PSMA5: variants seen among roughly 807,000 people sequenced by gnomAD.
PSMA5 encodes proteasome subunit alpha type-5.
In PSMA5, 3 loss-of-function variants were observed where a neutral mutation model predicts 34.5. The observed-to-expected ratio is 0.09, with a 90% CI of 0.04 to 0.22. PSMA5 has a LOEUF of 0.22. Ranked by LOEUF, PSMA5 falls within the 10% of genes least tolerant of loss-of-function variation. The probability of loss-of-function intolerance (pLI) is 1.00; values close to 1 mark genes in which losing one functional copy is unlikely to be tolerated. For missense variants in PSMA5, 120 were observed against 286.1 expected (o/e 0.42, Z 4.19); for synonymous variants, 88 against 95.8 (o/e 0.92, Z 0.47).
chr1:109,409,209 C>T (rs533326703), intron 8 of PSMA5, among the ~76,000 whole-genome samples: 61 of 152,170 alleles, frequency 4.0e-4, no homozygotes, highest in African/African-American at 1.3e-3. Context: ...CAGGTTGGAG[C>T]GCAGTATCAC....
Position 109,413,605 on chromosome 1 carries a change from A to G in PSMA5, c.224-470T>C, listed in dbSNP as rs553862944. Among the ~76,000 whole-genome samples the G allele has an allele frequency of 2.6e-5, 4 of 152,318 alleles. No homozygotes were observed. The South Asian group carries it at 8.3e-4, about 32-fold the overall frequency. ...CAAAGCAACTAGTTATATCAGAGAG[A>G]GTTTGCCTGATGGCCCAAGCTGTCA... is the stretch of plus-strand genomic sequence containing the variant. On this transcript the variant is annotated intron_variant, in intron 3 of 8. Transcript: ENST00000271308.
intron 2 of PSMA5, among the ~76,000 whole-genome samples, chr1:109,419,742 T>A (rs1031740216): frequency 7.2e-6 from 1 of 139,428 alleles, no homozygotes; most frequent in Non-Finnish European, 1.5e-5. Context: ...GAGGTTGCAG[T>A]GGGCTGAGAT....
chr1:109,418,021 T>G (rs1379904012), intron 2 of PSMA5, among the ~76,000 whole-genome samples: 1 of 151,822 alleles, frequency 6.6e-6, no homozygotes, highest in Non-Finnish European at 1.5e-5. Context: ...CCCAGGAGTT[T>G]GAGACCAGCC....
rs1324589619 is a variant in PSMA5, at chr1:109,411,615, T to A, written c.458+262A>T. Among the ~76,000 whole-genome samples, 3 of 152,076 alleles carry A rather than the reference T, an allele frequency of 2.0e-5. No individual in the cohort carries two copies. The East Asian group carries it at 5.8e-4, about 29-fold the overall frequency. On this transcript the variant is annotated intron_variant, in intron 6 of 8. Transcript: ENST00000271308. ...TCTACAATAGCCCTTTTTACAATAA[T>A]CTTTTTTTAATGTATTTTTTAAAGA...
chr1:109,402,320 T>G (rs1260293231), intron 8 of PSMA5, among the ~76,000 whole-genome samples: 1 of 152,244 alleles, frequency 6.6e-6, no homozygotes, highest in Non-Finnish European at 1.5e-5. Flanking sequence ...CACCACATCA[T>G]ACTTAACCAA....
chr1:109,421,828 A>C lies in PSMA5; in HGVS notation c.96+32T>G, dbSNP rs374309432. 1.8e-5 allele frequency: 27 copies of C among 1,520,198 alleles called. No individual in the cohort carries two copies. The African/African-American group carries it at 3.4e-4, about 19-fold the overall frequency. The allele number at this position is 1,520,198 out of a possible 1,614,324, so 94.2% of individuals were successfully genotyped here. A position where few individuals can be genotyped will look rare whatever the true frequency, so the allele number is the denominator to read the frequency against. On this transcript the variant is annotated intron_variant, in intron 2 of 8. Transcript: ENST00000271308. ...CCAGCAAAATGTTAGGTAGCCATGAAATTTCAGGACCTATGCTACTTGCTA... is the reference window on the plus strand; with the variant it reads ...CCAGCAAAATGTTAGGTAGCCATGACATTTCAGGACCTATGCTACTTGCTA...
At chr1:109,410,500 T>G (rs1034724341) in intron 7 of PSMA5, among the ~76,000 whole-genome samples, 17 of 152,198 alleles carry the variant, frequency 1.1e-4, no homozygotes, top group African/African-American at 4.1e-4. Context: ...CCTGAATAAG[T>G]AGAGCAGCCT....
At chr1:109,422,205 T>C (rs1256103856) in intron 1 of PSMA5, among the ~76,000 whole-genome samples, 5 of 152,234 alleles carry the variant, frequency 3.3e-5, no homozygotes, top group Admixed American at 1.3e-4. Context: ...CTGAATCAAC[T>C]TGGATCCATT....
At chr1:109,403,088 C>T (rs763260890) in intron 8 of PSMA5, among the ~76,000 whole-genome samples, 5 of 152,092 alleles carry the variant, frequency 3.3e-5, no homozygotes, top group South Asian at 2.1e-4. Flanking sequence ...CTGAAGATAT[C>T]AGTAATAACT....
intron 2 of PSMA5, among the ~76,000 whole-genome samples, chr1:109,419,227 C>A (rs959883767): frequency 6.6e-6 from 1 of 151,996 alleles, no homozygotes; most frequent in African/African-American, 2.4e-5. Context: ...GCAAATAAAT[C>A]AAAAAAGATG....
intron 2 of PSMA5, among the ~76,000 whole-genome samples, chr1:109,420,487 G>T (rs1034268801): frequency 6.6e-6 from 1 of 152,152 alleles, no homozygotes; most frequent in Admixed American, 6.5e-5. Flanking sequence ...GATGATGCAG[G>T]CCTCAAGAAT....
chr1:109,419,860 G>C (rs1241996726), intron 2 of PSMA5, among the ~76,000 whole-genome samples: 1 of 150,710 alleles, frequency 6.6e-6, no homozygotes, highest in Non-Finnish European at 1.5e-5. Flanking sequence ...TGTAGTCCCG[G>C]CTACTTTGGG....
chr1:109,413,301 A>G (rs1267369705), intron 3 of PSMA5, among the ~76,000 whole-genome samples, 166 bp from the exon 4 acceptor site: 5 of 152,258 alleles, frequency 3.3e-5, no homozygotes, highest in African/African-American at 1.2e-4. Flanking sequence ...ACTGAACCCA[A>G]GTATTAATGA....
At chr1:109,419,313 A>G (rs7555732) in intron 2 of PSMA5, among the ~76,000 whole-genome samples, 123,390 of 152,144 alleles carry the variant, frequency 0.81, 50,201 homozygotes, top group East Asian at 0.96. Flanking sequence ...CCACAGGTAC[A>G]CAGGAGGCCC....
chr1:109,421,420 G>T (rs116442266), intron 2 of PSMA5, among the ~76,000 whole-genome samples: 8 of 147,638 alleles, frequency 5.4e-5, no homozygotes, highest in Non-Finnish European at 1.0e-4. Flanking sequence ...CTGAGATCAC[G>T]CCACTGAACT....
At chr1:109,404,665 T>C (rs1334979024) in intron 8 of PSMA5, among the ~76,000 whole-genome samples, 4 of 152,228 alleles carry the variant, frequency 2.6e-5, no homozygotes, top group African/African-American at 7.2e-5. Flanking sequence ...TTGCATAATA[T>C]GAAAGATACT....
rs1244152942 is a variant in PSMA5, at chr1:109,426,396, C to A, written c.-66G>T. The A allele has an allele frequency of 6.3e-7, 1 of 1,595,824 alleles. No individual in the cohort carries two copies. Among genetic ancestry groups the A allele is most frequent in the Non-Finnish European group, 8.6e-7 (1 of 1,163,848 alleles). On this transcript the variant is annotated 5_prime_UTR_variant, in exon 1 of 9. Transcript: ENST00000271308. ...AGGACCAACACGACTCCACCGGCAC[C>A]CAACTCACCGGCAGCCAACTCACCC...
At chr1:109,405,123 G>A (rs571379803) in intron 8 of PSMA5, among the ~76,000 whole-genome samples, 8 of 152,326 alleles carry the variant, frequency 5.3e-5, no homozygotes, top group African/African-American at 1.9e-4. Context: ...AAAGGAGAGG[G>A]AGTAGGGGGT....
At chr1:109,412,434 C>T (rs1035330363) in intron 4 of PSMA5, 1 of 397,550 alleles carries the variant, frequency 2.5e-6, no homozygotes, top group Non-Finnish European at 4.6e-6. Context: ...GAGGGTTATG[C>T]CTCAAAGCAC....
Sources: allele counts gnomAD v4.1 joint callset (sites outside exome capture counted in the v4.1 genomes callset), GRCh38; gene constraint gnomAD v4.1.1; transcripts MANE v1.5; gene names NCBI Gene and HGNC (gene_info 2026-07-23, HGNC 2026-07-21).